Variants in TLN2 observed in about 807,000 individuals in gnomAD.
TLN2 encodes the protein talin 2.
A neutral mutation model predicts 294.7 loss-of-function variants in TLN2; 118 were observed. The ratio of observed to expected loss-of-function variants is 0.40; its 90% confidence interval spans 0.34 to 0.47. TLN2 has a LOEUF of 0.47. TLN2 is among the 20% of genes least tolerant of loss of function. The pLI is 0.84. For synonymous variants in TLN2, 1,431 were observed against 1,304.5 expected (o/e 1.10, Z -2.09); for missense variants, 3,083 against 3,282.2 (o/e 0.94, Z 1.48).
intron 1 of TLN2, among the ~76,000 whole-genome samples, chr15:62,518,747 G>T (rs146089652): frequency 6.6e-6 from 1 of 151,896 alleles, no homozygotes; most frequent in Non-Finnish European, 1.5e-5. Context: ...ACAGGTGCCC[G>T]CCATCACACC....
Position 62,797,352 on chromosome 15 carries a change from G to T in TLN2, c.6184G>T (p.Val2062Leu). 6.2e-7 allele frequency: 1 copy of T among 1,613,362 alleles called. No homozygotes were observed. Among genetic ancestry groups the T allele is most frequent in the Non-Finnish European group, 8.5e-7 (1 of 1,179,936 alleles). ...AGCCACCATCACCCAGCTCGCAGAA[G>T]TGGTCAAGCTGGGGGCAGCCAGCCT... Reference protein sequence around the residue: ...SAATITQLAEVVKLGAASLGS... With the variant: ...SAATITQLAELVKLGAASLGS... The change falls in exon 48 of 59, where the codon GTG (valine) becomes TTG (leucine). Residue 2062 changes from valine (V) to leucine (L), a missense_variant. Coordinates refer to ENST00000636159, the MANE Select transcript of TLN2 (RefSeq NM_015059.3).
At chr15:62,687,309 T>C (rs76224719) in intron 12 of TLN2, among the ~76,000 whole-genome samples, 2,067 of 152,358 alleles carry the variant, frequency 0.014, 56 homozygotes, top group African/African-American at 0.047. Context: ...CCCAGCTGTG[T>C]GACCTTGTTC....
intron 55 of TLN2, chr15:62,833,858 C>G (rs1019192696): frequency 1.0e-5 from 5 of 478,130 alleles, no homozygotes; most frequent in African/African-American, 2.0e-5. Context: ...GGAAAGCATC[C>G]CATTCCAGGC....
intron 3 of TLN2, among the ~76,000 whole-genome samples, chr15:62,642,819 A>G (rs897401226): frequency 1.3e-5 from 2 of 151,306 alleles, no homozygotes; most frequent in East Asian, 3.9e-4. Context: ...CTCCTGCCTC[A>G]GCCTCCTGAG....
chr15:62,669,730 G>C (rs751870318), intron 9 of TLN2, among the ~76,000 whole-genome samples: 1 of 152,148 alleles, frequency 6.6e-6, no homozygotes, highest in African/African-American at 2.4e-5. Flanking sequence ...CTCAGGTTTG[G>C]TAATCAAAAC....
intron 2 of TLN2, among the ~76,000 whole-genome samples, chr15:62,608,092 C>G (rs758075462): frequency 3.9e-5 from 6 of 152,148 alleles, no homozygotes; most frequent in Non-Finnish European, 8.8e-5. Context: ...TCTACTACCC[C>G]CATCCCCCCA....
At chr15:62,611,910 G>A (rs1203431822) in intron 2 of TLN2, among the ~76,000 whole-genome samples, 1 of 152,168 alleles carries the variant, frequency 6.6e-6, no homozygotes, top group Non-Finnish European at 1.5e-5. Flanking sequence ...CACCATTTTG[G>A]AAGTACTTAG....
intron 54 of TLN2, among the ~76,000 whole-genome samples, chr15:62,824,725 G>T (rs901215103): frequency 6.6e-6 from 1 of 152,194 alleles, no homozygotes; most frequent in Admixed American, 6.5e-5. Context: ...ACTGTGGCAG[G>T]AAGTTTGGGA....
intron 1 of TLN2, among the ~76,000 whole-genome samples, chr15:62,567,160 G>A (rs1040259539): frequency 1.6e-4 from 24 of 152,150 alleles, no homozygotes; most frequent in Admixed American, 3.9e-4. Flanking sequence ...GTATCCACTC[G>A]GGAGTATGAA....
chr15:62,712,007 A>G lies in TLN2; in HGVS notation c.2564A>G (p.Asn855Ser), dbSNP rs770968499. 2 of 1,614,262 alleles carry G rather than the reference A, an allele frequency of 1.2e-6. No individual in the cohort carries two copies. Among genetic ancestry groups the G allele is most frequent in the Non-Finnish European group, 1.7e-6 (2 of 1,180,034 alleles). ...SDAEAEIDME[N>S]SKKLLAAAKL... is the part of the protein sequence containing the mutation. ...GCAGAAGCCGAAATCGACATGGAGA[A>G]TTCAAAGAAGCTCCTGGCAGCAGCA... Residue 855 changes from asparagine to serine, a missense_variant, in exon 22 of 59, where the codon AAT (asparagine) becomes AGT (serine). Asn to Ser is a conservative substitution (Grantham distance 46). Coordinates refer to ENST00000636159, the MANE Select transcript of TLN2 (RefSeq NM_015059.3).
Position 62,694,403 on chromosome 15 carries a change from T to C in TLN2, c.1292+11T>C, listed in dbSNP as rs776482197. 3.7e-6 allele frequency: 6 copies of C among 1,612,876 alleles called. No individual in the cohort carries two copies. Among genetic ancestry groups the C allele is most frequent in the Non-Finnish European group, 4.2e-6 (5 of 1,179,000 alleles). ...CGTTTCCCCAAAAAAGTAAGTATTATGAAGAGTACTAGAGGACCACCTTCT... is the reference window on the plus strand; with the variant it reads ...CGTTTCCCCAAAAAAGTAAGTATTACGAAGAGTACTAGAGGACCACCTTCT... On this transcript the variant is annotated intron_variant, in intron 14 of 58. Coordinates refer to ENST00000636159, the MANE Select transcript of TLN2 (RefSeq NM_015059.3).
chr15:62,673,022 CTAA>C (rs2055615707), intron 9 of TLN2, among the ~76,000 whole-genome samples: 2 of 150,734 alleles, frequency 1.3e-5, no homozygotes, highest in South Asian at 2.1e-4. Flanking sequence ...TTACTTTATC[CTAA>C]TTATATGTAA....
chr15:62,811,636 G>A (rs770221111), intron 52 of TLN2, among the ~76,000 whole-genome samples: 2 of 152,138 alleles, frequency 1.3e-5, no homozygotes, highest in African/African-American at 4.8e-5. Context: ...TTCCTCAGAC[G>A]TTAAACAGGC....
intron 1 of TLN2, among the ~76,000 whole-genome samples, chr15:62,392,991 G>A (rs561514752): frequency 1.5e-4 from 22 of 151,676 alleles, no homozygotes; most frequent in Admixed American, 2.6e-4. Flanking sequence ...ATGCCTACAC[G>A]AATGCCTTTT....
At chr15:62,573,775 CTTT>C (rs58692120) in intron 1 of TLN2, among the ~76,000 whole-genome samples, 2 of 145,064 alleles carry the variant, frequency 1.4e-5, no homozygotes, top group Non-Finnish European at 1.5e-5. Flanking sequence ...CTTCCTTTTT[CTTT>C]TTTTTTTTTT....
At chr15:62,691,268 G>T (rs1478111166) in intron 12 of TLN2, among the ~76,000 whole-genome samples, 1 of 152,136 alleles carries the variant, frequency 6.6e-6, no homozygotes, top group Non-Finnish European at 1.5e-5. Context: ...AGTCCGTGAA[G>T]CTCTGTTTTT....
chr15:62,475,892 G>T (rs2037758599), intron 1 of TLN2, among the ~76,000 whole-genome samples: 1 of 152,208 alleles, frequency 6.6e-6, no homozygotes, highest in Admixed American at 6.5e-5. Flanking sequence ...TATTAGAGTG[G>T]TAATTTACAG....
chr15:62,512,231 G>C (rs1303649794), intron 1 of TLN2, among the ~76,000 whole-genome samples: 2 of 152,116 alleles, frequency 1.3e-5, no homozygotes, highest in East Asian at 3.9e-4. Context: ...CAGGAATGGG[G>C]AATGTTAGTC....
At chr15:62,743,328 T>G (rs1241117484) in intron 32 of TLN2, among the ~76,000 whole-genome samples, 1 of 151,964 alleles carries the variant, frequency 6.6e-6, no homozygotes, top group East Asian at 1.9e-4. Context: ...CCTGTCCCAC[T>G]CCTGTGTTAA....
Sources: allele counts gnomAD v4.1 joint callset (sites outside exome capture counted in the v4.1 genomes callset), GRCh38; gene constraint gnomAD v4.1.1; transcripts MANE v1.5; gene names NCBI Gene and HGNC (gene_info 2026-07-23, HGNC 2026-07-21).